Variants in NLRP3 observed in about 807,000 individuals in gnomAD.
NLRP3 encodes NLR family pyrin domain containing 3, also known as NACHT, LRR and PYD domains-containing protein 3.
In NLRP3, 48 loss-of-function variants were observed where a neutral mutation model predicts 91.3. The ratio of observed to expected loss-of-function variants is 0.53; its 90% CI spans 0.42 to 0.67. The LOEUF is 0.67. Ranked by LOEUF, NLRP3 falls within the 30% of genes least tolerant of loss-of-function variation. The pLI is 0.00. For synonymous variants in NLRP3, 561 were observed against 507.9 expected (o/e 1.10, Z -1.41); for missense variants, 982 against 1,276.9 (o/e 0.77, Z 3.52).
chr1:247,433,612 T>G lies in NLRP3; in HGVS notation c.2322-491T>G, dbSNP rs568307465. Among the ~76,000 whole-genome samples the G allele has an allele frequency of 6.1e-4, 92 of 151,832 alleles. 1 individual carries two copies. Among genetic ancestry groups the G allele is most frequent in the African/African-American group, 2.2e-3 (91 of 41,312 alleles). Reference sequence around the variant, plus strand: ...AGCTCTCTGGTCAGGTGTATTCTGATGCTTTCTCTATTCCAGAGCTCTCTG... The same window carrying G: ...AGCTCTCTGGTCAGGTGTATTCTGAGGCTTTCTCTATTCCAGAGCTCTCTG... On this transcript the variant is annotated intron_variant, in intron 5 of 9. Transcript: ENST00000336119.
intron 5 of NLRP3, 76 bp downstream of exon 5, chr1:247,429,831 A>G (rs1298585789): frequency 6.4e-7 from 1 of 1,551,954 alleles, no homozygotes; most frequent in African/African-American, 1.4e-5. Context: ...CTGGAGAAAG[A>G]TCTTCAGGAC....
chr1:247,422,496 T>C (rs1160864353), intron 2 of NLRP3, among the ~76,000 whole-genome samples: 1 of 152,218 alleles, frequency 6.6e-6, no homozygotes, highest in African/African-American at 2.4e-5. Context: ...ATTTCTCCTA[T>C]AGAATGCCTT....
In NLRP3 at chr1:247,422,190, G is replaced by T. The variant is rs1662510018; in HGVS notation, c.278-1040G>T. ...GCCCAGGAGTTTGAGACCAGCCTGGGCAACATAGTGAGAACCTGTCTCTAC... is the reference window on the plus strand; with the variant it reads ...GCCCAGGAGTTTGAGACCAGCCTGGTCAACATAGTGAGAACCTGTCTCTAC... On this transcript the variant is annotated intron_variant, in intron 2 of 9. Transcript: ENST00000336119. 2.0e-5 allele frequency among the ~76,000 whole-genome samples: 3 copies of T among 152,042 alleles called. 1 individual carries two copies. The highest frequency in any genetic ancestry group is 2.0e-4 in the Admixed American group (3 of 15,266).
In NLRP3 at chr1:247,425,759, G is replaced by A. The variant is rs1662829019; in HGVS notation, c.2150+160G>A. The stretch of plus-strand genomic sequence containing the variant: ...TGTTTGAGACTCCTTCATGAGCAAA[G>A]ATTGATGTATGGTAGGTGGATAAAT... On this transcript the variant is annotated intron_variant, in intron 4 of 9. Transcript: ENST00000336119. The surrounding 1 kb of genome is among the most constrained non-coding windows in gnomAD (Gnocchi z 4.1). The A allele has an allele frequency of 1.4e-6, 1 of 696,702 alleles. No homozygotes were observed. Among genetic ancestry groups the A allele is most frequent in the Non-Finnish European group, 2.5e-6 (1 of 397,552 alleles). The allele number at this position is 696,702 out of a possible 1,614,324, so 43.2% of individuals were successfully genotyped here.
At chr1:247,439,986 C>T (rs1664089468) in intron 7 of NLRP3, among the ~76,000 whole-genome samples, 1 of 152,134 alleles carries the variant, frequency 6.6e-6, no homozygotes. Flanking sequence ...GACTTTTATG[C>T]ATTTTATGTG....
rs1463276072 is a variant in NLRP3 at position 247,424,300 on chromosome 1, C to A, written c.851C>A (p.Pro284His). 6.2e-7 allele frequency: 1 copy of A among 1,614,054 alleles called. No homozygotes were observed. Among genetic ancestry groups the A allele is most frequent in the South Asian group, 1.1e-5 (1 of 91,064 alleles). ...AGCTGCTGCCCCGACCCAAACCCAC[C>A]CATCCACAAGATCGTGAGAAAACCC... ...IMSCCPDPNP[P>H]IHKIVRKPSR... Residue 284 changes from proline (P) to histidine (H), a missense_variant, in exon 4 of 10, where the codon CCC becomes CAC. Coordinates refer to ENST00000336119, the MANE Select transcript of NLRP3 (RefSeq NM_001243133.2). The surrounding 1 kb of genome is among the most constrained non-coding windows in gnomAD (Gnocchi z 8.1).
chr1:247,425,623 G>T lies in NLRP3; in HGVS notation c.2150+24G>T. 1.3e-6 allele frequency: 2 copies of T among 1,595,242 alleles called. No homozygotes were observed. The highest frequency in any genetic ancestry group is 1.1e-5 in the South Asian group (1 of 90,896). On this transcript the variant is annotated intron_variant, in intron 4 of 9. Coordinates refer to ENST00000336119, the MANE Select transcript of NLRP3 (RefSeq NM_001243133.2). The surrounding 1 kb of genome is among the most constrained non-coding windows in gnomAD (Gnocchi z 4.1). ...GGGTAAGGAAACTCGGCTTCCAGGTGCTTCCTCCTGCTTCCTCGCCAGCTT... is the reference window on the plus strand; with the variant it reads ...GGGTAAGGAAACTCGGCTTCCAGGTTCTTCCTCCTGCTTCCTCGCCAGCTT...
intron 9 of NLRP3, among the ~76,000 whole-genome samples, chr1:247,445,256 A>G (rs1407079385): frequency 6.6e-6 from 1 of 151,922 alleles, no homozygotes; most frequent in Non-Finnish European, 1.5e-5. Context: ...GCTGGAGTGC[A>G]GTGGCATGAT....
chr1:247,447,777 T>C (rs1219751801), intron 9 of NLRP3, among the ~76,000 whole-genome samples: 1 of 152,200 alleles, frequency 6.6e-6, no homozygotes, highest in Non-Finnish European at 1.5e-5. Context: ...TATATTTTAG[T>C]GTCACAAAGT....
At chr1:247,446,685 T>TTTCTTC (rs1277439836) in intron 9 of NLRP3, among the ~76,000 whole-genome samples, 2 of 151,358 alleles carry the variant, frequency 1.3e-5, no homozygotes, top group Non-Finnish European at 2.9e-5. Context: ...GAAGCACTTT[T>TTTCTTC]TCTTCTCTTC....
At chr1:247,445,833 G>C (rs999776919) in intron 9 of NLRP3, among the ~76,000 whole-genome samples, 8 of 151,328 alleles carry the variant, frequency 5.3e-5, no homozygotes, top group African/African-American at 1.7e-4. Context: ...TCAGAGCTTA[G>C]TCGCTGGGCT....
At chr1:247,426,402 C>T (rs1572176723) in intron 4 of NLRP3, among the ~76,000 whole-genome samples, 2 of 152,172 alleles carry the variant, frequency 1.3e-5, no homozygotes, top group East Asian at 3.9e-4. Context: ...TTGGGTTTAT[C>T]GTTCAGTGCC....
At chr1:247,444,216 C>A in intron 8 of NLRP3, 74 bp downstream of exon 8, 1 of 1,432,982 alleles carries the variant, frequency 7.0e-7, no homozygotes. Context: ...GGCAGAGTGG[C>A]CACAAGATAA....
Position 247,425,399 on chromosome 1 carries a change from G to T in NLRP3, c.1950G>T (p.Lys650Asn), listed in dbSNP as rs1238100497. ...FVQRAMDYFP[K>N]IEINLSTRMD... is the part of the protein sequence containing the mutation. ...AAAGGGCCATGGACTATTTCCCCAA[G>T]ATTGAGATCAATCTCTCCACCAGAA... Residue 650 changes from lysine (K) to asparagine (N), a missense_variant, in exon 4 of 10, where the codon AAG becomes AAT. Physicochemically the swap from Lys to Asn is moderately conservative, Grantham distance 94. Transcript: ENST00000336119. This position sits in a 1 kb window ranked among gnomAD's most constrained non-coding sequence, Gnocchi z 4.1. 6.2e-7 allele frequency: 1 copy of T among 1,614,208 alleles called. No homozygotes were observed. The highest frequency in any genetic ancestry group is 1.1e-5 in the South Asian group (1 of 91,090).
At position 247,444,033 on chromosome 1, in the gene NLRP3, A is replaced by C; in HGVS notation, c.2725A>C (p.Asn909His). The C allele has an allele frequency of 6.2e-7, 1 of 1,614,172 alleles. No individual in the cohort carries two copies. The highest frequency in any genetic ancestry group is 1.1e-5 in the South Asian group (1 of 91,074). The stretch of plus-strand genomic sequence containing the variant: ...AGCTTTGTCCTCGGTACTCAGCACT[A>C]ATCAGAATCTCACGCACCTTTACCT... ...CSALSSVLST[N>H]QNLTHLYLRG... Residue 909 changes from asparagine (N) to histidine (H), a missense_variant, in exon 8 of 10, where the codon AAT becomes CAT. Asn to His is a moderately conservative substitution (Grantham distance 68). Around this residue, in one of 5 missense-constraint regions of NLRP3, gnomAD observed 373 missense variants for 431.5 expected, o/e 0.86. Transcript: ENST00000336119.
Position 247,424,997 on chromosome 1 carries a change from C to A in NLRP3, c.1548C>A (p.Tyr516Ter). The change falls in exon 4 of 10, where the codon TAC becomes TAA. Residue 516 changes from tyrosine (Y) to a stop codon, truncating the protein, a stop_gained. Transcript: ENST00000336119. LOFTEE classifies it high-confidence loss of function. The surrounding 1 kb of genome is among the most constrained non-coding windows in gnomAD (Gnocchi z 8.1). ...FQKEVDCEKFYSFIHMTFQEF... is the reference protein window; with the variant it reads ...FQKEVDCEKF ...AGGAAGTGGACTGCGAGAAGTTCTA[C>A]AGCTTCATCCACATGACTTTCCAGG... The A allele has an allele frequency of 5.0e-6, 8 of 1,614,232 alleles. No homozygotes were observed. The highest frequency in any genetic ancestry group is 6.8e-6 in the Non-Finnish European group (8 of 1,180,052).
intron 5 of NLRP3, among the ~76,000 whole-genome samples, chr1:247,432,935 T>C (rs1335868762): frequency 6.6e-6 from 1 of 151,980 alleles, no homozygotes. Flanking sequence ...TCCCAGCACT[T>C]TGAGAGGCTG....
intron 4 of NLRP3, among the ~76,000 whole-genome samples, chr1:247,427,846 C>T (rs61841183): frequency 0.42 from 4,389 of 10,346 alleles, 1,145 homozygotes; most frequent in Middle Eastern, 0.67. Flanking sequence ...GGAGCCCTGG[C>T]AGGGGGCTCA....
At chr1:247,438,376 G>GTAT (rs758398987) in intron 7 of NLRP3, among the ~76,000 whole-genome samples, 11 of 110,804 alleles carry the variant, frequency 9.9e-5, no homozygotes, top group African/African-American at 3.7e-4. Context: ...TGGTTTAGTT[G>GTAT]TGTTTTTTTT....
Sources: gnomAD v4.1 joint callset for allele counts (sites outside exome capture counted in the v4.1 genomes callset) on GRCh38, gnomAD v4.1.1 for gene constraint, gnomAD v4.1.1 regional missense constraint, Gnocchi (gnomAD v3.1) non-coding constraint, MANE v1.5 for transcripts, NCBI Gene and HGNC (gene_info 2026-07-23, HGNC 2026-07-21) for gene names.